Variants in FCHSD2 observed in about 807,000 individuals in gnomAD.
FCHSD2 encodes FCH and double SH3 domains 2, also known as F-BAR and double SH3 domains protein 2.
FCHSD2 carries 38 observed loss-of-function variants against 108.1 expected under a neutral mutation model. That is an observed-to-expected ratio of 0.35 (90% CI 0.27 to 0.46). The LOEUF is 0.46. Ranked by LOEUF, FCHSD2 falls within the 20% of genes least tolerant of loss-of-function variation. The pLI is 1.00. For missense variants in FCHSD2, 751 were observed against 897.8 expected (o/e 0.84, Z 2.09); for synonymous variants, 279 against 314.7 (o/e 0.89, Z 1.20).
chr11:73,119,915 A>G (rs1289071951), intron 2 of FCHSD2, among the ~76,000 whole-genome samples: 1 of 152,194 alleles, frequency 6.6e-6, no homozygotes, highest in African/African-American at 2.4e-5. Flanking sequence ...AGACTGGGCA[A>G]TTTACAAAAG....
intron 8 of FCHSD2, among the ~76,000 whole-genome samples, chr11:72,971,275 G>A (rs989408381): frequency 1.3e-5 from 2 of 152,094 alleles, no homozygotes; most frequent in African/African-American, 4.8e-5. Context: ...AATATGAAAT[G>A]CTTAGGAATA....
chr11:72,973,095 G>A (rs986578276), intron 8 of FCHSD2, among the ~76,000 whole-genome samples: 14 of 152,044 alleles, frequency 9.2e-5, no homozygotes, highest in African/African-American at 3.1e-4. Flanking sequence ...ATGGCCGGGC[G>A]CGGTGGCTCA....
At chr11:73,090,219 CTTTTTT>C (rs59603567) in intron 2 of FCHSD2, among the ~76,000 whole-genome samples, 1 of 77,022 alleles carries the variant, frequency 1.3e-5, no homozygotes, top group Non-Finnish European at 2.3e-5. Flanking sequence ...TACAATACTT[CTTTTTT>C]TTTTTTTTTT....
In FCHSD2 at chr11:73,069,085, C is replaced by T. The variant is rs191753097; in HGVS notation, c.165+14610G>A. ...CAGAACTTTAGGAAGCCAAGGTGGG[C>T]TAATCACCTGAGGTCAGGAGTTTGA... On this transcript the variant is annotated intron_variant, in intron 3 of 19. Transcript: ENST00000409418. Among the ~76,000 whole-genome samples, 38 of 150,902 alleles carry T rather than the reference C, an allele frequency of 2.5e-4. 1 individual carries two copies. The highest frequency in any genetic ancestry group is 2.4e-3 in the Admixed American group (36 of 15,162).
rs1286642606 is a variant in FCHSD2 at position 72,840,913 on chromosome 11, C to T, written c.2103G>A (p.Arg701=). 1.2e-6 allele frequency: 2 copies of T among 1,613,226 alleles called. No individual in the cohort carries two copies. Among genetic ancestry groups the T allele is most frequent in the South Asian group, 1.1e-5 (1 of 91,058 alleles). ...AESPGFSQAS[R]HTPETSYGKL... ...TGCCATATGAGGTCTCAGGAGTATG[C>T]CTTGATGCCTGTGAGAATCCTGGTG... Residue 701 remains arginine (R), a synonymous_variant, in exon 19 of 20, where the codon AGG becomes AGA. Transcript: ENST00000409418.
chr11:72,891,240 C>A (rs1855308302), intron 10 of FCHSD2, among the ~76,000 whole-genome samples: 2 of 152,190 alleles, frequency 1.3e-5, no homozygotes, highest in African/African-American at 4.8e-5. Context: ...CCTAGTAATT[C>A]TTTTGCAAGG....
chr11:73,060,696 A>C (rs1859139465), intron 3 of FCHSD2, among the ~76,000 whole-genome samples: 1 of 152,250 alleles, frequency 6.6e-6, no homozygotes, highest in Non-Finnish European at 1.5e-5. Flanking sequence ...TATAAGACAA[A>C]AATGGGCATG....
chr11:72,928,256 A>C (rs1451126778), intron 8 of FCHSD2, among the ~76,000 whole-genome samples: 1 of 152,154 alleles, frequency 6.6e-6, no homozygotes, highest in African/African-American at 2.4e-5. Flanking sequence ...AAATTCCACA[A>C]AATTTTTTTC....
At chr11:72,940,754 A>C in intron 8 of FCHSD2, 1 of 854,992 alleles carries the variant, frequency 1.2e-6, no homozygotes, top group Non-Finnish European at 2.0e-6. Context: ...AAGCCTGTTC[A>C]TCATGGTGTT....
intron 2 of FCHSD2, among the ~76,000 whole-genome samples, chr11:73,120,976 T>C (rs1049144232): frequency 1.3e-5 from 2 of 152,112 alleles, no homozygotes; most frequent in Non-Finnish European, 1.5e-5. Flanking sequence ...ATATTTTTGT[T>C]ATTGTTCAAC....
intron 12 of FCHSD2, among the ~76,000 whole-genome samples, chr11:72,873,055 C>A (rs796443240): frequency 1.3e-4 from 20 of 152,038 alleles, no homozygotes; most frequent in African/African-American, 4.6e-4. Context: ...TTAGGCCAGG[C>A]ACGGTGGCTC....
At position 73,029,260 on chromosome 11, in the gene FCHSD2, G is replaced by A. The variant is rs568673291; in HGVS notation, c.166-13375C>T. Among the ~76,000 whole-genome samples the A allele has an allele frequency of 2.0e-5, 3 of 152,276 alleles. No homozygotes were observed. In the South Asian group the frequency reaches 6.2e-4, roughly 32 times the overall value. On this transcript the variant is annotated intron_variant, in intron 3 of 19. Coordinates refer to ENST00000409418, the MANE Select transcript of FCHSD2 (RefSeq NM_014824.3). ...GAAACCACTTACAAGACTATTGTAGGAGCAAATTCTGAGAATAAGGCAGAG... is the reference window on the plus strand; with the variant it reads ...GAAACCACTTACAAGACTATTGTAGAAGCAAATTCTGAGAATAAGGCAGAG...
At chr11:73,117,112 T>C (rs995718201) in intron 2 of FCHSD2, among the ~76,000 whole-genome samples, 2 of 152,216 alleles carry the variant, frequency 1.3e-5, no homozygotes, top group Admixed American at 1.3e-4. Flanking sequence ...TTTCTACTTA[T>C]CAATAACAGA....
intron 8 of FCHSD2, among the ~76,000 whole-genome samples, chr11:72,957,979 A>G (rs1255412015): frequency 6.6e-6 from 1 of 152,168 alleles, no homozygotes; most frequent in Non-Finnish European, 1.5e-5. Context: ...CCTATTCTTC[A>G]TTTCTATTGA....
At position 72,867,866 on chromosome 11, in the gene FCHSD2, G is replaced by C. The variant is rs140557765; in HGVS notation, c.1307C>G (p.Ser436Trp). The change falls in exon 13 of 20, where the codon TCG becomes TGG. Residue 436 changes from serine to tryptophan, a missense_variant and splice_region_variant. Physicochemically the swap from Ser to Trp is radical, Grantham distance 177 (BLOSUM62 -3). Coordinates refer to ENST00000409418, the MANE Select transcript of FCHSD2 (RefSeq NM_014824.3). ...PAVTSNGTLH[S>W]LNADTEREEG... Reference sequence around the variant, plus strand: ...CATATCCAAGAAAAGAAATCGTACCGAGTGTAAAGTGCCATTACTGGTCAC... The same window carrying C: ...CATATCCAAGAAAAGAAATCGTACCCAGTGTAAAGTGCCATTACTGGTCAC... 2 of 1,610,900 alleles carry C rather than the reference G, an allele frequency of 1.2e-6. No individual in the cohort carries two copies. Among genetic ancestry groups the C allele is most frequent in the South Asian group, 2.2e-5 (2 of 90,196 alleles).
At chr11:72,904,263 C>T (rs1855585299) in intron 9 of FCHSD2, among the ~76,000 whole-genome samples, 1 of 152,126 alleles carries the variant, frequency 6.6e-6, no homozygotes, top group African/African-American at 2.4e-5. Flanking sequence ...ATTACACAGC[C>T]CTCAGAGCCT....
intron 12 of FCHSD2, among the ~76,000 whole-genome samples, chr11:72,872,574 A>C (rs1247334145): frequency 6.6e-6 from 1 of 151,956 alleles, no homozygotes; most frequent in Non-Finnish European, 1.5e-5. Context: ...AACTTCTCTC[A>C]CTTTGCATAA....
intron 4 of FCHSD2, among the ~76,000 whole-genome samples, chr11:73,013,088 C>T (rs185174791): frequency 2.2e-3 from 335 of 152,228 alleles, no homozygotes; most frequent in African/African-American, 7.6e-3. Context: ...ATTTCAACAC[C>T]TCCATTACGT....
chr11:72,865,780 T>C (rs1472113745), intron 13 of FCHSD2, among the ~76,000 whole-genome samples: 1 of 152,160 alleles, frequency 6.6e-6, no homozygotes, highest in African/African-American at 2.4e-5. Context: ...AGTCTTTTAA[T>C]CTTTCTTTCA....
Sources: gnomAD v4.1 joint callset for allele counts (sites outside exome capture counted in the v4.1 genomes callset) on GRCh38, gnomAD v4.1.1 for gene constraint, MANE v1.5 for transcripts, NCBI Gene and HGNC (gene_info 2026-07-23, HGNC 2026-07-21) for gene names.